Variants in SEL1L2 observed in about 807,000 individuals in gnomAD.
SEL1L2 encodes protein sel-1 homolog 2.
A neutral mutation model predicts 98.8 loss-of-function variants in SEL1L2; 89 were observed. That is an observed-to-expected ratio of 0.90 (90% CI 0.76 to 1.07). The LOEUF (loss-of-function observed/expected upper bound fraction) is 1.07. Among genes scored for constraint, SEL1L2 ranks in the 50% least tolerant of loss-of-function variants. The probability of loss-of-function intolerance (pLI) is 0.00; values close to 1 mark genes in which losing one functional copy is unlikely to be tolerated. For synonymous variants in SEL1L2, 262 were observed against 278.5 expected, an observed-to-expected ratio of 0.94 and a Z score of 0.59; for missense variants, 788 against 812.0, an observed-to-expected ratio of 0.97 and a Z score of 0.36.
intron 1 of SEL1L2, among the ~76,000 whole-genome samples, chr20:13,985,543 A>G (rs984094534): frequency 1.3e-5 from 2 of 152,104 alleles, no homozygotes; most frequent in Admixed American, 1.3e-4. Flanking sequence ...CTTCTGTTTT[A>G]TTACCTACAA....
At chr20:13,959,006 C>T (rs544279206) in intron 1 of SEL1L2, among the ~76,000 whole-genome samples, 4 of 151,428 alleles carry the variant, frequency 2.6e-5, no homozygotes, top group Admixed American at 6.6e-5. Context: ...AAATTGACAA[C>T]GACCAGTTGA....
intron 1 of SEL1L2, among the ~76,000 whole-genome samples, chr20:13,988,398 TC>T (rs2052355097): frequency 6.6e-6 from 1 of 152,174 alleles, no homozygotes; most frequent in African/African-American, 2.4e-5. Flanking sequence ...TATCCAGTTG[TC>T]CCAGCACCAT....
chr20:13,969,068 G>A (rs1441658415), intron 1 of SEL1L2, among the ~76,000 whole-genome samples: 1 of 152,164 alleles, frequency 6.6e-6, no homozygotes, highest in Admixed American at 6.5e-5. Flanking sequence ...GACTTTAGTT[G>A]AAAGGCTGAA....
rs767809368 is a variant in SEL1L2, at chr20:13,869,599, T to A, written c.1168-9A>T. The A allele has an allele frequency of 6.2e-7, 1 of 1,609,528 alleles. No individual in the cohort carries two copies. The highest frequency in any genetic ancestry group is 8.5e-7 in the Non-Finnish European group (1 of 1,175,836). On this transcript the variant is annotated splice_polypyrimidine_tract_variant and intron_variant, in intron 13 of 19. Transcript: ENST00000284951. ...AGTGCTTCGGCATAATTCTGCAAGA[T>A]AATTACACTCTATTACTCAAAGGCA...
intron 1 of SEL1L2, among the ~76,000 whole-genome samples, chr20:13,969,026 C>G (rs1011160674): frequency 6.6e-6 from 1 of 152,106 alleles, no homozygotes; most frequent in African/African-American, 2.4e-5. Flanking sequence ...AGAAATAGGG[C>G]ACTAAAGCTT....
chr20:13,943,828 G>A (rs1382569538), intron 2 of SEL1L2, among the ~76,000 whole-genome samples: 1 of 152,166 alleles, frequency 6.6e-6, no homozygotes, highest in Non-Finnish European at 1.5e-5. Flanking sequence ...TTAGATTGGT[G>A]ATTTAAAAAA....
chr20:13,933,381 G>GA (rs1226420760), intron 2 of SEL1L2, among the ~76,000 whole-genome samples: 1 of 151,810 alleles, frequency 6.6e-6, no homozygotes, highest in Non-Finnish European at 1.5e-5. Context: ...ATCACCTTAA[G>GA]AAAAAACCAC....
At chr20:13,893,286 A>G (rs1351493900) in intron 5 of SEL1L2, among the ~76,000 whole-genome samples, 3 of 152,180 alleles carry the variant, frequency 2.0e-5, no homozygotes, top group Admixed American at 6.6e-5. Flanking sequence ...TAGAAAATAA[A>G]GTTCCCCCTT....
intron 1 of SEL1L2, among the ~76,000 whole-genome samples, chr20:13,958,003 G>C (rs1339409250): frequency 2.0e-5 from 3 of 152,092 alleles, no homozygotes; most frequent in Non-Finnish European, 4.4e-5. Context: ...TTCAAGATAT[G>C]AATAAGTTTT....
chr20:13,893,483 A>T (rs2047293352), intron 5 of SEL1L2, among the ~76,000 whole-genome samples: 5 of 152,196 alleles, frequency 3.3e-5, no homozygotes, highest in Admixed American at 3.3e-4. Context: ...GTATAAATAT[A>T]TATGCATCTA....
At chr20:13,967,902 A>G (rs1436486540) in intron 1 of SEL1L2, among the ~76,000 whole-genome samples, 1 of 152,198 alleles carries the variant, frequency 6.6e-6, no homozygotes, top group African/African-American at 2.4e-5. Context: ...AACAGAAATG[A>G]TTTACAATCA....
At chr20:13,925,976 G>A (rs1242182041) in intron 3 of SEL1L2, among the ~76,000 whole-genome samples, 1 of 152,188 alleles carries the variant, frequency 6.6e-6, no homozygotes, top group Non-Finnish European at 1.5e-5. Context: ...TGGTGAGCAG[G>A]TTGGGCTCCT....
intron 5 of SEL1L2, among the ~76,000 whole-genome samples, chr20:13,905,267 C>A (rs1024406652): frequency 2.7e-5 from 4 of 150,074 alleles, no homozygotes; most frequent in Non-Finnish European, 4.4e-5. Flanking sequence ...TACGGGCTAT[C>A]GTGTAGTAAA....
chr20:13,863,980 AAAAGAAAAAGAT>A (rs1418314175), intron 17 of SEL1L2, among the ~76,000 whole-genome samples: 1 of 151,768 alleles, frequency 6.6e-6, no homozygotes, highest in Non-Finnish European at 1.5e-5. Context: ...AAAAAAAAAA[AAAAGAAAAAGAT>A]AAAGAAAAAA....
chr20:13,851,231 G>GA lies in SEL1L2; in HGVS notation c.1819-913dup, dbSNP rs999786930. 47 of 148,002 alleles carry GA rather than the reference G, an allele frequency of 3.2e-4. No homozygotes were observed. The South Asian group carries it at 6.6e-3, about 21-fold the overall frequency. 9.2% of individuals were successfully genotyped at this position (148,002 alleles called of 1,614,324 possible). ...GACAGAGTGATACTCTGTCTCAAAA[G>GA]AAAAAAAAAATTGTACAGTTCTCTA... On this transcript the variant is annotated intron_variant, in intron 18 of 19. Coordinates refer to ENST00000284951, the MANE Select transcript of SEL1L2 (RefSeq NM_025229.2).
At chr20:13,850,056 T>G in intron 19 of SEL1L2, 135 bp downstream of exon 19, 1 of 917,290 alleles carries the variant, frequency 1.1e-6, no homozygotes, top group Non-Finnish European at 1.7e-6. Flanking sequence ...GCATGGCAAG[T>G]GTAAGACTCT....
Position 13,930,431 on chromosome 20 carries a change from G to A in SEL1L2, c.283+1172C>T, listed in dbSNP as rs866546519. Among the ~76,000 whole-genome samples, 46 of 152,182 alleles carry A rather than the reference G, an allele frequency of 3.0e-4. 1 individual carries two copies. Among genetic ancestry groups the A allele is most frequent in the African/African-American group, 1.1e-3 (46 of 41,430 alleles). Reference sequence around the variant, plus strand: ...TGCCAGTCCTGCTACTGGCCCCAGGGGGAACTTTGTGGTTTCCCTATATCC... The same window carrying A: ...TGCCAGTCCTGCTACTGGCCCCAGGAGGAACTTTGTGGTTTCCCTATATCC... On this transcript the variant is annotated intron_variant, in intron 3 of 19. Transcript: ENST00000284951.
intron 12 of SEL1L2, among the ~76,000 whole-genome samples, chr20:13,875,214 T>C (rs2046379600): frequency 6.6e-6 from 1 of 152,154 alleles, no homozygotes; most frequent in African/African-American, 2.4e-5. Flanking sequence ...ACAATATGAA[T>C]GAAGCATAGC....
At chr20:13,885,425 A>G in intron 9 of SEL1L2, 22 bp from the exon 10 acceptor site, 13 of 1,528,262 alleles carry the variant, frequency 8.5e-6, no homozygotes, top group Non-Finnish European at 1.1e-5. Flanking sequence ...GAGTTTGGAA[A>G]TGATTTTAGC....
Sources: gnomAD v4.1 joint callset for allele counts (sites outside exome capture counted in the v4.1 genomes callset) on GRCh38, gnomAD v4.1.1 for gene constraint, MANE v1.5 for transcripts, NCBI Gene and HGNC (gene_info 2026-07-23, HGNC 2026-07-21) for gene names.